LRRTM4: variants seen among roughly 807,000 people sequenced by gnomAD.
LRRTM4 encodes the protein leucine rich repeat transmembrane neuronal 4, also known as leucine-rich repeat transmembrane neuronal protein 4.
Under a neutral mutation model 47.6 loss-of-function variants are expected in LRRTM4, and 25 were observed. That is an observed-to-expected ratio of 0.53 (90% CI 0.38 to 0.73). The LOEUF is 0.73. Ranked by LOEUF, LRRTM4 falls within the 30% of genes least tolerant of loss-of-function variation. The pLI is 0.00. For missense variants in LRRTM4, 638 were observed against 713.4 expected (o/e 0.89, Z 1.20); for synonymous variants, 311 against 269.5 (o/e 1.15, Z -1.51).
chr2:77,504,965 AAT>A (rs1385965530), intron 3 of LRRTM4, among the ~76,000 whole-genome samples: 1 of 151,474 alleles, frequency 6.6e-6, no homozygotes, highest in Non-Finnish European at 1.5e-5. Context: ...AATTTTCATG[AAT>A]AGTTTATACA....
chr2:77,111,907 A>G (rs890932090), intron 3 of LRRTM4, among the ~76,000 whole-genome samples: 2 of 152,202 alleles, frequency 1.3e-5, no homozygotes, highest in Non-Finnish European at 2.9e-5. Context: ...TAATGAAGAA[A>G]GAAAAAGAAA....
chr2:76,826,908 TGA>T (rs1230227399), intron 3 of LRRTM4, among the ~76,000 whole-genome samples: 1 of 151,898 alleles, frequency 6.6e-6, no homozygotes, highest in African/African-American at 2.4e-5. Flanking sequence ...ATCACAATCA[TGA>T]GAGTGGCTTC....
chr2:77,140,245 C>T (rs182272303), intron 3 of LRRTM4, among the ~76,000 whole-genome samples: 3 of 152,236 alleles, frequency 2.0e-5, no homozygotes, highest in African/African-American at 7.2e-5. Context: ...CTATAGTAAC[C>T]AAAACAGCAT....
chr2:77,278,018 T>A (rs1462792411), intron 3 of LRRTM4, among the ~76,000 whole-genome samples: 1 of 151,990 alleles, frequency 6.6e-6, no homozygotes, highest in African/African-American at 2.4e-5. Flanking sequence ...GAAGAACTGC[T>A]GCTGCAAAGT....
intron 3 of LRRTM4, among the ~76,000 whole-genome samples, chr2:77,064,458 T>C (rs183702782): frequency 3.6e-4 from 55 of 152,326 alleles, no homozygotes; most frequent in Middle Eastern, 3.4e-3. Flanking sequence ...TGGCATTTTC[T>C]TCCTCTTTGA....
intron 3 of LRRTM4, among the ~76,000 whole-genome samples, chr2:77,217,088 G>C (rs1412496052): frequency 6.6e-6 from 1 of 150,422 alleles, no homozygotes; most frequent in Non-Finnish European, 1.5e-5. Flanking sequence ...AAAAAAAAAG[G>C]GAGGGCACAT....
At chr2:77,248,558 A>G (rs2104007725) in intron 3 of LRRTM4, among the ~76,000 whole-genome samples, 1 of 152,186 alleles carries the variant, frequency 6.6e-6, no homozygotes, top group African/African-American at 2.4e-5. Flanking sequence ...TAAAGTTTAT[A>G]CAGACAGATA....
chr2:76,765,853 G>A (rs1673434440), intron 3 of LRRTM4, among the ~76,000 whole-genome samples: 2 of 152,224 alleles, frequency 1.3e-5, no homozygotes, highest in African/African-American at 4.8e-5. Context: ...ATATGTGGAT[G>A]ATGTCACAAT....
intron 3 of LRRTM4, among the ~76,000 whole-genome samples, chr2:77,455,905 T>C (rs1249324665): frequency 6.6e-6 from 1 of 152,128 alleles, no homozygotes; most frequent in Non-Finnish European, 1.5e-5. Context: ...ATGGCTTCTC[T>C]CCAAAACCCC....
intron 3 of LRRTM4, among the ~76,000 whole-genome samples, chr2:77,284,316 T>C (rs1676591392): frequency 6.6e-6 from 1 of 152,138 alleles, no homozygotes; most frequent in Non-Finnish European, 1.5e-5. Context: ...TCTGTTAATA[T>C]AGATTTACTG....
intron 3 of LRRTM4, among the ~76,000 whole-genome samples, chr2:77,126,925 A>G (rs1268114861): frequency 6.6e-6 from 1 of 152,176 alleles, no homozygotes; most frequent in East Asian, 1.9e-4. Flanking sequence ...GCTGAGAATT[A>G]CATTATGCAA....
chr2:76,799,462 A>G (rs1460275547), intron 3 of LRRTM4, among the ~76,000 whole-genome samples: 1 of 140,150 alleles, frequency 7.1e-6, no homozygotes, highest in Non-Finnish European at 1.6e-5. Flanking sequence ...CAAAATAATA[A>G]GAGCTATCTA....
At chr2:77,397,006 C>A (rs776119126) in intron 3 of LRRTM4, among the ~76,000 whole-genome samples, 4 of 151,832 alleles carry the variant, frequency 2.6e-5, no homozygotes, top group African/African-American at 4.8e-5. Context: ...TGGCTTGACT[C>A]ATTGATTCAC....
At chr2:77,083,505 A>C (rs180902558) in intron 3 of LRRTM4, among the ~76,000 whole-genome samples, 2 of 152,140 alleles carry the variant, frequency 1.3e-5, no homozygotes, top group African/African-American at 4.8e-5. Flanking sequence ...GCTGACCAAA[A>C]ACATGACCAA....
At chr2:77,155,954 G>A (rs1300130681) in intron 3 of LRRTM4, among the ~76,000 whole-genome samples, 2 of 152,078 alleles carry the variant, frequency 1.3e-5, no homozygotes, top group African/African-American at 2.4e-5. Flanking sequence ...TAACCTGACT[G>A]AATCAATTTT....
Position 77,341,707 on chromosome 2 carries a change from T to C in LRRTM4, c.1551+176611A>G, listed in dbSNP as rs1671379100. Among the ~76,000 whole-genome samples, 3 of 152,120 alleles carry C rather than the reference T, an allele frequency of 2.0e-5. No individual in the cohort carries two copies. In the South Asian group the frequency reaches 6.2e-4, roughly 31 times the overall value. On this transcript the variant is annotated intron_variant, in intron 3 of 3. Transcript: ENST00000409884. ...CCGAGAGACTTCTATGGTAAAATAA[T>C]TTCTTTTTGGGGAAAACTAGGAAGT...
At chr2:77,344,915 T>A (rs566913057) in intron 3 of LRRTM4, among the ~76,000 whole-genome samples, 28 of 151,760 alleles carry the variant, frequency 1.8e-4, no homozygotes, top group African/African-American at 6.8e-4. Context: ...CTTACCAGAT[T>A]TCTTTTCTCA....
At chr2:77,034,572 G>T (rs1460149539) in intron 3 of LRRTM4, among the ~76,000 whole-genome samples, 3 of 151,842 alleles carry the variant, frequency 2.0e-5, no homozygotes, top group Non-Finnish European at 4.4e-5. Flanking sequence ...ATTTCTCACA[G>T]TCTGGAGTTT....
At chr2:77,090,387 C>T (rs960551283) in intron 3 of LRRTM4, among the ~76,000 whole-genome samples, 16 of 152,206 alleles carry the variant, frequency 1.1e-4, no homozygotes, top group African/African-American at 3.9e-4. Context: ...GTCAAAAGGT[C>T]GTCTTATTCT....
Sources: gnomAD v4.1 joint callset for allele counts (sites outside exome capture counted in the v4.1 genomes callset) on GRCh38, gnomAD v4.1.1 for gene constraint, MANE v1.5 for transcripts, NCBI Gene and HGNC (gene_info 2026-07-23, HGNC 2026-07-21) for gene names.